The following FYN variants were observed in gnomAD, a reference collection of about 807,000 sequenced individuals.
The protein encoded by FYN is FYN proto-oncogene, Src family tyrosine kinase, also known as tyrosine-protein kinase Fyn.
Under a neutral mutation model 70.2 loss-of-function variants are expected in FYN, and 10 were observed. The observed-to-expected ratio is 0.14, with a 90% confidence interval of 0.09 to 0.24. The LOEUF (loss-of-function observed/expected upper bound fraction) is 0.24, where lower values mean the gene tolerates loss of function less well. FYN is among the 10% of genes least tolerant of loss of function. The pLI is 1.00. For synonymous variants in FYN, 236 were observed against 248.6 expected (o/e 0.95, Z 0.48); for missense variants, 319 against 673.1 (o/e 0.47, Z 5.82).
intron 2 of FYN, among the ~76,000 whole-genome samples, chr6:111,782,429 C>T (rs1320307320): frequency 6.6e-6 from 1 of 152,160 alleles, no homozygotes; most frequent in African/African-American, 2.4e-5. Flanking sequence ...ATTGCTCCTT[C>T]GCAGCCTATG....
chr6:111,720,123 T>C (rs1224896491), intron 3 of FYN, 61 bp from the exon 4 acceptor site: 3 of 1,522,098 alleles, frequency 2.0e-6, no homozygotes, highest in East Asian at 2.3e-5. Context: ...TGGGTTGCTC[T>C]ACAGTAAACG....
intron 2 of FYN, among the ~76,000 whole-genome samples, chr6:111,802,445 T>C (rs923400627): frequency 6.6e-6 from 1 of 152,248 alleles, no homozygotes; most frequent in East Asian, 1.9e-4. Flanking sequence ...CCTTTTTTTT[T>C]TCTTTGAGAC....
At chr6:111,773,336 AAGGGAGAGGG>A (rs1803527624) in intron 3 of FYN, among the ~76,000 whole-genome samples, 1 of 46,458 alleles carries the variant, frequency 2.2e-5, no homozygotes, top group African/African-American at 9.0e-5. Flanking sequence ...GGGAGAGGGA[AAGGGAGAGGG>A]AGAGGGAAAG....
chr6:111,865,770 G>A (rs1387572761), intron 1 of FYN, among the ~76,000 whole-genome samples: 2 of 152,156 alleles, frequency 1.3e-5, no homozygotes, highest in East Asian at 3.8e-4. Flanking sequence ...AAGTCACAAT[G>A]ACATTCTGAA....
intron 6 of FYN, 89 bp from the exon 7 acceptor site, chr6:111,704,191 C>T (rs1799963523): frequency 2.0e-6 from 2 of 987,458 alleles, no homozygotes; most frequent in African/African-American, 1.6e-5. Context: ...CATGAATTCC[C>T]CTCTCCTCCA....
At chr6:111,809,260 G>A (rs2114293246) in intron 2 of FYN, among the ~76,000 whole-genome samples, 1 of 152,294 alleles carries the variant, frequency 6.6e-6, no homozygotes, top group South Asian at 2.1e-4. Context: ...CATCTTTCAA[G>A]ATCCACACAA....
chr6:111,818,982 G>A (rs1330367105), intron 2 of FYN, among the ~76,000 whole-genome samples: 2 of 152,122 alleles, frequency 1.3e-5, no homozygotes, highest in East Asian at 1.9e-4. Context: ...GCTGCAAAAC[G>A]TGTTCTTGCA....
chr6:111,795,981 T>C (rs1284187195), intron 2 of FYN, among the ~76,000 whole-genome samples: 1 of 152,252 alleles, frequency 6.6e-6, no homozygotes, highest in African/African-American at 2.4e-5. Flanking sequence ...ATACTTACTG[T>C]GTGCCAGGTT....
intron 12 of FYN, among the ~76,000 whole-genome samples, chr6:111,682,698 T>C (rs748512219): frequency 6.6e-6 from 1 of 152,108 alleles, no homozygotes; most frequent in Non-Finnish European, 1.5e-5. Flanking sequence ...ACCACTATGA[T>C]CATTTAGGAA....
At chr6:111,841,567 G>C (rs1421252990) in intron 2 of FYN, among the ~76,000 whole-genome samples, 1 of 152,148 alleles carries the variant, frequency 6.6e-6, no homozygotes, top group Non-Finnish European at 1.5e-5. Flanking sequence ...TGGGGCAACC[G>C]AATAAGATAA....
At chr6:111,786,340 G>C (rs1214615296) in intron 2 of FYN, among the ~76,000 whole-genome samples, 5 of 151,842 alleles carry the variant, frequency 3.3e-5, no homozygotes, top group Non-Finnish European at 5.9e-5. Flanking sequence ...ATAGTTTGCT[G>C]AGAATGATGG....
intron 1 of FYN, among the ~76,000 whole-genome samples, chr6:111,853,704 G>A (rs186584005): frequency 6.6e-6 from 1 of 152,260 alleles, no homozygotes; most frequent in Admixed American, 6.5e-5. Context: ...CTGCAGCTTT[G>A]ACCTCTTAGG....
chr6:111,820,411 A>G (rs1772621126), intron 2 of FYN, among the ~76,000 whole-genome samples: 1 of 152,230 alleles, frequency 6.6e-6, no homozygotes, highest in African/African-American at 2.4e-5. Flanking sequence ...AATGGTGTGC[A>G]GAATTCTCTT....
At chr6:111,832,475 T>C (rs992979800) in intron 2 of FYN, among the ~76,000 whole-genome samples, 5 of 152,222 alleles carry the variant, frequency 3.3e-5, no homozygotes, top group African/African-American at 9.6e-5. Context: ...AACTGTCATA[T>C]TGCCTGTGAA....
At chr6:111,689,502 C>A (rs889438134) in intron 12 of FYN, among the ~76,000 whole-genome samples, 1 of 152,170 alleles carries the variant, frequency 6.6e-6, no homozygotes, top group Non-Finnish European at 1.5e-5. Context: ...ACCACAGCAG[C>A]CGTATTTATA....
intron 5 of FYN, among the ~76,000 whole-genome samples, chr6:111,713,768 A>T (rs1800495281): frequency 6.6e-6 from 1 of 152,238 alleles, no homozygotes; most frequent in Admixed American, 6.5e-5. Context: ...AACATTAAAC[A>T]ACCATGCAGC....
chr6:111,668,482 T>C lies in FYN; in HGVS notation c.1405+6017A>G, dbSNP rs950856695. Among the ~76,000 whole-genome samples the C allele has an allele frequency of 2.8e-5, 4 of 143,514 alleles. No homozygotes were observed. The Admixed American group carries it at 2.8e-4, about 10-fold the overall frequency. The allele number at this position is 143,514 out of a possible 152,430, so 94.2% of individuals were successfully genotyped here. A position where few individuals can be genotyped will look rare whatever the true frequency, so the allele number is the denominator to read the frequency against. On this transcript the variant is annotated intron_variant, in intron 13 of 13. Transcript: ENST00000354650. ...ATTTGAAGTTGATAATACAGTATCA[T>C]AGAGAACTCCTTTGTCCCAGAAAAA... is the stretch of plus-strand genomic sequence containing the variant.
chr6:111,667,499 C>T (rs1424279826), intron 13 of FYN, among the ~76,000 whole-genome samples: 1 of 152,140 alleles, frequency 6.6e-6, no homozygotes, highest in East Asian at 1.9e-4. Context: ...AGCGATCCTC[C>T]CTGCTTCAGC....
chr6:111,855,824 A>C (rs1773810491), intron 1 of FYN, among the ~76,000 whole-genome samples: 2 of 152,362 alleles, frequency 1.3e-5, no homozygotes, highest in Non-Finnish European at 2.9e-5. Flanking sequence ...ATTGAAAATA[A>C]GGCTTGTAAA....
Sources: gnomAD v4.1 joint callset for allele counts (sites outside exome capture counted in the v4.1 genomes callset) on GRCh38, gnomAD v4.1.1 for gene constraint, MANE v1.5 for transcripts, NCBI Gene and HGNC (gene_info 2026-07-23, HGNC 2026-07-21) for gene names.